Variants in ANKS1B observed in about 807,000 individuals in gnomAD.
The protein encoded by ANKS1B is ankyrin repeat and sterile alpha motif domain containing 1B.
In ANKS1B, 36 loss-of-function variants were observed where a neutral mutation model predicts 148.3. The observed-to-expected ratio is 0.24, with a 90% CI of 0.19 to 0.32. ANKS1B has a LOEUF of 0.32. Among genes scored for constraint, ANKS1B ranks in the 10% least tolerant of loss-of-function variants. The pLI is 1.00. For missense variants in ANKS1B, 1,157 were observed against 1,542.6 expected, an observed-to-expected ratio of 0.75 and a Z score of 4.19; for synonymous variants, 542 against 560.8, an observed-to-expected ratio of 0.97 and a Z score of 0.47.
chr12:99,370,463 C>T (rs2093066476), intron 12 of ANKS1B, among the ~76,000 whole-genome samples: 1 of 151,926 alleles, frequency 6.6e-6, no homozygotes, highest in Non-Finnish European at 1.5e-5. Flanking sequence ...AGCTAGAAAC[C>T]CAAGAAGGCC....
At position 98,775,856 on chromosome 12, in the gene ANKS1B, C is replaced by T. The variant is rs559946904; in HGVS notation, c.3442-2677G>A. On this transcript the variant is annotated intron_variant, in intron 24 of 26. Coordinates refer to ENST00000683438, the MANE Select transcript of ANKS1B (RefSeq NM_001352186.2). ...CATGTTCCAAAATCAGCCTTCTCCCCGACTGTGGAAACTTCTACTACTCTG... is the reference window on the plus strand; with the variant it reads ...CATGTTCCAAAATCAGCCTTCTCCCTGACTGTGGAAACTTCTACTACTCTG... Among the ~76,000 whole-genome samples the T allele has an allele frequency of 5.9e-5, 9 of 152,256 alleles. No homozygotes were observed. The East Asian group carries it at 9.7e-4, about 16-fold the overall frequency.
chr12:99,251,717 GC>G (rs1214526168), intron 12 of ANKS1B, among the ~76,000 whole-genome samples: 28 of 152,096 alleles, frequency 1.8e-4, no homozygotes, highest in African/African-American at 5.1e-4. Flanking sequence ...AAAATTTCAT[GC>G]TATGGAAAAA....
At chr12:99,343,052 G>A (rs547254274) in intron 12 of ANKS1B, among the ~76,000 whole-genome samples, 1 of 152,072 alleles carries the variant, frequency 6.6e-6, no homozygotes, top group South Asian at 2.1e-4. Flanking sequence ...TCTATATTCA[G>A]TAGGCAGAAT....
chr12:98,829,321 C>T lies in ANKS1B; in HGVS notation c.2919G>A (p.Leu973=). 6.2e-7 allele frequency: 1 copy of T among 1,613,902 alleles called. No homozygotes were observed. Among genetic ancestry groups the T allele is most frequent in the Non-Finnish European group, 8.5e-7 (1 of 1,179,848 alleles). The change falls in exon 19 of 27, where the codon TTG becomes TTA. Residue 973 remains leucine (L), a synonymous_variant. Coordinates refer to ENST00000683438, the MANE Select transcript of ANKS1B (RefSeq NM_001352186.2). The surrounding 1 kb of genome is among the most constrained non-coding windows in gnomAD (Gnocchi z 5.2). The part of the protein sequence containing the change: ...EPSGNHTPPQ[L]SPSLSQSTYT... Reference sequence around the variant, plus strand: ...AAGTGCTTTGGCTAAGTGATGGAGACAACTGAGGAGGAGTGTGATTACCAC... The same window carrying T: ...AAGTGCTTTGGCTAAGTGATGGAGATAACTGAGGAGGAGTGTGATTACCAC...
intron 10 of ANKS1B, among the ~76,000 whole-genome samples, chr12:99,486,314 G>A (rs984495165): frequency 6.6e-6 from 1 of 151,718 alleles, no homozygotes; most frequent in African/African-American, 2.4e-5. Context: ...AGATTTCCTT[G>A]GTTATAGTCT....
At chr12:99,942,524 A>C (rs2094945610) in intron 1 of ANKS1B, among the ~76,000 whole-genome samples, 1 of 152,136 alleles carries the variant, frequency 6.6e-6, no homozygotes, top group African/African-American at 2.4e-5. Context: ...AACAGAAGGA[A>C]GAAAAAAATT....
intron 12 of ANKS1B, among the ~76,000 whole-genome samples, chr12:99,256,252 A>C (rs984119221): frequency 6.6e-6 from 1 of 151,392 alleles, no homozygotes; most frequent in African/African-American, 2.4e-5. Context: ...TCCATCTCAA[A>C]AAAAAAAAAG....
At chr12:99,102,225 C>T (rs2058109365) in intron 15 of ANKS1B, among the ~76,000 whole-genome samples, 1 of 152,092 alleles carries the variant, frequency 6.6e-6, no homozygotes, top group South Asian at 2.1e-4. Context: ...TGGTAAAATA[C>T]AGCAGCTCAT....
intron 12 of ANKS1B, among the ~76,000 whole-genome samples, chr12:99,334,600 A>G (rs2088370596): frequency 6.6e-6 from 1 of 152,100 alleles, no homozygotes; most frequent in Non-Finnish European, 1.5e-5. Context: ...AGAAATGCAC[A>G]TTTGAAAAAG....
At chr12:99,795,041 TAA>T (rs764606999) in intron 4 of ANKS1B, among the ~76,000 whole-genome samples, 7 of 151,354 alleles carry the variant, frequency 4.6e-5, no homozygotes, top group Admixed American at 6.6e-5. Context: ...AAAAAAGAAA[TAA>T]GAGATGGAAA....
intron 1 of ANKS1B, among the ~76,000 whole-genome samples, chr12:99,848,909 G>A (rs1474184983): frequency 6.6e-6 from 1 of 152,090 alleles, no homozygotes; most frequent in Non-Finnish European, 1.5e-5. Context: ...GGATGCAGCT[G>A]GAAGCCACTA....
chr12:99,557,292 C>G (rs2153187668), intron 9 of ANKS1B, among the ~76,000 whole-genome samples: 1 of 152,322 alleles, frequency 6.6e-6, no homozygotes, highest in East Asian at 1.9e-4. Context: ...CTCTCCCTCT[C>G]TTTCAGAGAT....
intron 14 of ANKS1B, among the ~76,000 whole-genome samples, chr12:99,190,913 C>G (rs1018097137): frequency 6.6e-6 from 1 of 151,874 alleles, no homozygotes; most frequent in Admixed American, 6.6e-5. Flanking sequence ...AGGCAACCTA[C>G]AGAATGGGAG....
At chr12:99,365,188 C>T (rs952902043) in intron 12 of ANKS1B, among the ~76,000 whole-genome samples, 6 of 152,092 alleles carry the variant, frequency 3.9e-5, no homozygotes, top group Non-Finnish European at 4.4e-5. Flanking sequence ...CAGCTCCTGC[C>T]GCCCACAAGG....
intron 15 of ANKS1B, among the ~76,000 whole-genome samples, chr12:99,134,694 CA>C (rs2067389199): frequency 1.5e-5 from 2 of 131,394 alleles, no homozygotes; most frequent in African/African-American, 5.9e-5. Flanking sequence ...CACACACACA[CA>C]CACACCAGGC....
At chr12:99,533,022 T>A (rs574307831) in intron 9 of ANKS1B, among the ~76,000 whole-genome samples, 1 of 152,208 alleles carries the variant, frequency 6.6e-6, no homozygotes, top group Non-Finnish European at 1.5e-5. Context: ...TTTTGGTTGG[T>A]TCCTTGTGAA....
At chr12:99,739,269 C>A (rs547497054) in intron 8 of ANKS1B, among the ~76,000 whole-genome samples, 30 of 143,418 alleles carry the variant, frequency 2.1e-4, no homozygotes, top group Non-Finnish European at 4.0e-4. Context: ...AAAGAAACTT[C>A]CATTTTAATA....
At chr12:98,977,943 T>C (rs1373616135) in intron 17 of ANKS1B, among the ~76,000 whole-genome samples, 1 of 152,128 alleles carries the variant, frequency 6.6e-6, no homozygotes, top group African/African-American at 2.4e-5. Context: ...CATCAAACTA[T>C]GGAATTTGGG....
intron 14 of ANKS1B, among the ~76,000 whole-genome samples, chr12:99,206,715 C>T (rs982539232): frequency 6.6e-5 from 10 of 152,092 alleles, no homozygotes; most frequent in Non-Finnish European, 1.5e-4. Flanking sequence ...GTTTTCTTTG[C>T]CCCATTCTCT....
Sources: gnomAD v4.1 joint callset for allele counts (sites outside exome capture counted in the v4.1 genomes callset) on GRCh38, gnomAD v4.1.1 for gene constraint, Gnocchi (gnomAD v3.1) non-coding constraint, MANE v1.5 for transcripts, NCBI Gene and HGNC (gene_info 2026-07-23, HGNC 2026-07-21) for gene names.